Variants in STAMBPL1 observed in about 807,000 individuals in gnomAD.
The protein encoded by STAMBPL1 is STAM binding protein like 1.
A neutral mutation model predicts 52.9 loss-of-function variants in STAMBPL1; 44 were observed. That is an observed-to-expected ratio of 0.83 (90% CI 0.65 to 1.07). The LOEUF is 1.07. Ranked by LOEUF, STAMBPL1 falls within the 50% of genes least tolerant of loss-of-function variation. The probability of loss-of-function intolerance (pLI) is 0.00; values close to 1 mark genes in which losing one functional copy is unlikely to be tolerated. For missense variants in STAMBPL1, 511 were observed against 520.8 expected, an observed-to-expected ratio of 0.98 and a Z score of 0.18; for synonymous variants, 164 against 177.3, an observed-to-expected ratio of 0.92 and a Z score of 0.60.
intron 10 of STAMBPL1, 49 bp from the exon 11 acceptor site, chr10:88,923,119 C>T (rs997490382): frequency 5.3e-6 from 7 of 1,327,582 alleles, no homozygotes; most frequent in African/African-American, 1.5e-5. Context: ...ATATGGTAAA[C>T]ATTATGGTGA....
intron 3 of STAMBPL1, among the ~76,000 whole-genome samples, chr10:88,906,042 A>G (rs1465374051): frequency 6.6e-6 from 1 of 152,236 alleles, no homozygotes; most frequent in African/African-American, 2.4e-5. Flanking sequence ...CACCTAGAAC[A>G]TGCCATCAAC....
Position 88,921,391 on chromosome 10 carries a change from A to G in STAMBPL1, c.1150A>G (p.Lys384Glu). The G allele has an allele frequency of 1.2e-6, 2 of 1,611,896 alleles. No individual in the cohort carries two copies. Among genetic ancestry groups the G allele is most frequent in the South Asian group, 1.1e-5 (1 of 91,008 alleles). Residue 384 changes from lysine (K) to glutamate (E), a missense_variant, in exon 9 of 11, where the codon AAA becomes GAA. Coordinates refer to ENST00000371926, the MANE Select transcript of STAMBPL1 (RefSeq NM_020799.4). ...AIAIVCSPKH[K>E]DTGIFRLTNA... ...TGCCATTGTTTGCTCACCAAAGCAT[A>G]AAGAGTAAGTGTAACTCTTCAGGGG...
At chr10:88,920,956 T>A (rs1282343694) in intron 8 of STAMBPL1, among the ~76,000 whole-genome samples, 1 of 152,192 alleles carries the variant, frequency 6.6e-6, no homozygotes, top group Non-Finnish European at 1.5e-5. Flanking sequence ...AAAATTGAGA[T>A]AATAAAATAA....
chr10:88,898,938 TAG>T (rs1352668300), intron 1 of STAMBPL1, among the ~76,000 whole-genome samples: 2 of 152,170 alleles, frequency 1.3e-5, no homozygotes, highest in Non-Finnish European at 2.9e-5. Context: ...AAATAGAAAC[TAG>T]AGACATGCAG....
rs776964470 is a variant in STAMBPL1 at position 88,922,434 on chromosome 10, A to T, written c.1252A>T (p.Ser418Cys). The T allele has an allele frequency of 3.4e-5, 55 of 1,613,124 alleles. No individual in the cohort carries two copies. In the Admixed American group the frequency reaches 9.2e-4, roughly 27 times the overall value. Residue 418 changes from serine (S) to cysteine (C), a missense_variant and splice_region_variant, in exon 10 of 11, where the codon AGT becomes TGT. This residue lies in a region of STAMBPL1 where 137 missense variants were observed against 139.9 expected (regional missense o/e 0.98). Transcript: ENST00000371926. ...ACACACCAAGGAGCCCAGGCTGTTC[A>T]GTGTGAGTACATCATATTAGTTATT... Reference protein sequence around the residue: ...HPHTKEPRLFSICKHVLVKDI... With the variant: ...HPHTKEPRLFCICKHVLVKDI...
At chr10:88,903,365 T>C (rs1385959610) in intron 2 of STAMBPL1, among the ~76,000 whole-genome samples, 1 of 152,260 alleles carries the variant, frequency 6.6e-6, no homozygotes, top group Non-Finnish European at 1.5e-5. Flanking sequence ...TTTTATTTGA[T>C]ATACCTATTA....
intron 5 of STAMBPL1, chr10:88,912,758 TA>T (rs1845259268): frequency 5.0e-6 from 1 of 199,536 alleles, no homozygotes; most frequent in African/African-American, 2.3e-5. Flanking sequence ...AGAAGTGCAG[TA>T]GGGGTGAGAT....
In STAMBPL1 at chr10:88,910,970, A is replaced by G. The variant is rs764796438; in HGVS notation, c.379A>G (p.Lys127Glu). 8.1e-6 allele frequency: 13 copies of G among 1,597,154 alleles called. No individual in the cohort carries two copies. Among genetic ancestry groups the G allele is most frequent in the Non-Finnish European group, 1.1e-5 (13 of 1,174,366 alleles). ...RTDELKNDLLKKYNVEYQEYL... is the reference protein window; with the variant it reads ...RTDELKNDLLEKYNVEYQEYL... Reference sequence around the variant, plus strand: ...AGATGAATTGAAAAACGACCTTTTAAAGAAATATAACGTAGAATACCAAGA... The same window carrying G: ...AGATGAATTGAAAAACGACCTTTTAGAGAAATATAACGTAGAATACCAAGA... Residue 127 changes from lysine to glutamate, a missense_variant, in exon 5 of 11, where the codon AAG becomes GAG. Coordinates refer to ENST00000371926, the MANE Select transcript of STAMBPL1 (RefSeq NM_020799.4).
chr10:88,909,688 G>A lies in STAMBPL1; in HGVS notation c.324+911G>A, dbSNP rs140509074. ...GCAATCTCGGCTCACTGCAACCCCC[G>A]CCTCCTGGGTTCAAGCAATTCTCTG... On this transcript the variant is annotated intron_variant, in intron 4 of 10. Transcript: ENST00000371926. 7.4e-3 allele frequency among the ~76,000 whole-genome samples: 1,121 copies of A among 152,128 alleles called. 14 individuals carry two copies. Among genetic ancestry groups the A allele is most frequent in the South Asian group, 0.042 (204 of 4,814 alleles).
intron 2 of STAMBPL1, among the ~76,000 whole-genome samples, chr10:88,904,492 T>C (rs1037092108): frequency 6.6e-6 from 1 of 152,156 alleles, no homozygotes; most frequent in Non-Finnish European, 1.5e-5. Flanking sequence ...CTTTTATAAA[T>C]AAACATTTAG....
In STAMBPL1 at chr10:88,916,837, T is replaced by C; in HGVS notation, c.1041+20T>C. Reference sequence around the variant, plus strand: ...ATCCATGTACGTTTGACCTTTTGGGTTTCAGTTTTTTTGTGTGTGTGGCAT... The same window carrying C: ...ATCCATGTACGTTTGACCTTTTGGGCTTCAGTTTTTTTGTGTGTGTGGCAT... On this transcript the variant is annotated intron_variant, in intron 8 of 10. Coordinates refer to ENST00000371926, the MANE Select transcript of STAMBPL1 (RefSeq NM_020799.4). 1 of 1,517,616 alleles carries C rather than the reference T, an allele frequency of 6.6e-7. No homozygotes were observed. The highest frequency in any genetic ancestry group is 2.5e-5 in the East Asian group (1 of 40,578). 94.0% of individuals were successfully genotyped at this position (1,517,616 alleles called of 1,614,324 possible).
At chr10:88,893,826 C>T (rs768012348) in intron 1 of STAMBPL1, 1 of 152,154 alleles carries the variant, frequency 6.6e-6, no homozygotes, top group Non-Finnish European at 1.5e-5. Flanking sequence ...TAATGCTGAA[C>T]TGAAATCTTC....
intron 1 of STAMBPL1, among the ~76,000 whole-genome samples, chr10:88,893,692 GATTGCACC>G (rs201780284): frequency 0.095 from 14,450 of 152,208 alleles, 903 homozygotes; most frequent in Non-Finnish European, 0.15. Context: ...AGTGAGCTGA[GATTGCACC>G]ATTGCACTCC....
chr10:88,921,413 G>T lies in STAMBPL1; in HGVS notation c.1154+18G>T. ...CATAAAGAGTAAGTGTAACTCTTCAGGGGAGACCAAAGAAGGCTTTGTCCA... is the reference window on the plus strand; with the variant it reads ...CATAAAGAGTAAGTGTAACTCTTCATGGGAGACCAAAGAAGGCTTTGTCCA... On this transcript the variant is annotated intron_variant, in intron 9 of 10. Coordinates refer to ENST00000371926, the MANE Select transcript of STAMBPL1 (RefSeq NM_020799.4). The T allele has an allele frequency of 1.3e-6, 2 of 1,589,340 alleles. No individual in the cohort carries two copies. The highest frequency in any genetic ancestry group is 1.7e-6 in the Non-Finnish European group (2 of 1,158,426).
chr10:88,897,798 T>G (rs1452550751), intron 1 of STAMBPL1, among the ~76,000 whole-genome samples: 1 of 152,210 alleles, frequency 6.6e-6, no homozygotes, highest in Non-Finnish European at 1.5e-5. Context: ...CACCGTGTGC[T>G]TTGTAGCACT....
At chr10:88,883,824 G>T (rs1044716518) in intron 1 of STAMBPL1, among the ~76,000 whole-genome samples, 1 of 152,150 alleles carries the variant, frequency 6.6e-6, no homozygotes, top group African/African-American at 2.4e-5. Context: ...TTGATTTGCT[G>T]TAGTTAACCT....
intron 1 of STAMBPL1, among the ~76,000 whole-genome samples, chr10:88,887,617 C>T (rs1278404922): frequency 6.6e-6 from 1 of 152,176 alleles, no homozygotes; most frequent in African/African-American, 2.4e-5. Flanking sequence ...CAGCCTTGAC[C>T]TCGTGGGTTC....
At chr10:88,910,708 G>A (rs989711485) in intron 4 of STAMBPL1, among the ~76,000 whole-genome samples, 7 of 152,144 alleles carry the variant, frequency 4.6e-5, no homozygotes, top group African/African-American at 7.2e-5. Context: ...GCCAATAAAG[G>A]TCTTACAAAA....
At chr10:88,893,516 C>T (rs889427918) in intron 1 of STAMBPL1, among the ~76,000 whole-genome samples, 42 of 152,070 alleles carry the variant, frequency 2.8e-4, no homozygotes, top group Non-Finnish European at 4.4e-4. Context: ...CCGAGGCGGG[C>T]GGATCACCTG....
Sources: allele counts gnomAD v4.1 joint callset (sites outside exome capture counted in the v4.1 genomes callset), GRCh38; gene constraint gnomAD v4.1.1; regional missense constraint gnomAD v4.1.1; transcripts MANE v1.5; gene names NCBI Gene and HGNC (gene_info 2026-07-23, HGNC 2026-07-21).